Variants in CSMD2 observed in about 807,000 individuals in gnomAD.
CSMD2 encodes the protein CUB and sushi domain-containing protein 2.
Under a neutral mutation model 398.5 loss-of-function variants are expected in CSMD2, and 130 were observed. The observed-to-expected ratio is 0.33, with a 90% CI of 0.28 to 0.38. CSMD2 has a LOEUF of 0.38. Ranked by LOEUF, CSMD2 falls within the 10% of genes least tolerant of loss-of-function variation. The probability of loss-of-function intolerance (pLI) is 1.00; values close to 1 mark genes in which losing one functional copy is unlikely to be tolerated. For missense variants in CSMD2, 3,829 were observed against 4,764.9 expected (o/e 0.80, Z 5.78); for synonymous variants, 1,828 against 1,908.5 (o/e 0.96, Z 1.10).
In CSMD2 at chr1:34,165,074, C is replaced by T. The variant is rs1641755441; in HGVS notation, c.24G>A (p.Glu8=). ...CCGCGGGGCAGCCGCAGCGCCCCAG[C>T]TCCCGTCCCCGCGAGCGCGGCATGG... MPRSRGR[E]LGRCGCPAGR... is the part of the protein sequence containing the mutation. Residue 8 remains glutamate, a synonymous_variant, in exon 1 of 71, where the codon GAG becomes GAA. Coordinates refer to ENST00000373381, the MANE Select transcript of CSMD2 (RefSeq NM_001281956.2). The T allele has an allele frequency of 8.2e-6, 10 of 1,214,958 alleles. No individual in the cohort carries two copies. The highest frequency in any genetic ancestry group is 4.1e-5 in the South Asian group (1 of 24,222). The allele number at this position is 1,214,958 out of a possible 1,614,324, so 75.3% of individuals were successfully genotyped here.
chr1:33,706,799 T>C (rs574462263), intron 22 of CSMD2, among the ~76,000 whole-genome samples: 86 of 151,418 alleles, frequency 5.7e-4, no homozygotes, highest in Admixed American at 9.9e-4. Context: ...TGTGTGTGTG[T>C]GCGCGTGCAT....
rs1418889719 is a variant in CSMD2 at position 33,519,745 on chromosome 1, C to A, written c.10736+67G>T. 16 of 1,612,102 alleles carry A rather than the reference C, an allele frequency of 9.9e-6. No individual in the cohort carries two copies. Among genetic ancestry groups the A allele is most frequent in the Non-Finnish European group, 1.1e-5 (13 of 1,178,666 alleles). ...CACAGAGAGGCTTAGGGGTCTGGTG[C>A]GGGGGGCCCTGGAGGGAGAGAGGGA... On this transcript the variant is annotated intron_variant, in intron 69 of 70. Coordinates refer to ENST00000373381, the MANE Select transcript of CSMD2 (RefSeq NM_001281956.2). This position sits in a 1 kb window ranked among gnomAD's most constrained non-coding sequence, Gnocchi z 5.6.
intron 15 of CSMD2, among the ~76,000 whole-genome samples, chr1:33,728,467 T>C (rs1261774593): frequency 1.3e-5 from 2 of 152,226 alleles, no homozygotes; most frequent in Non-Finnish European, 2.9e-5. Context: ...CTCTTACTGA[T>C]GACTTACTAT....
At position 33,626,562 on chromosome 1, in the gene CSMD2, G is replaced by T. The variant is rs751405235; in HGVS notation, c.5220C>A (p.Ala1740=). ...ACTTAATGAGAACTTGATTGGAGGT[G>T]GCCAAGGGCAGTGATTCTCCTGCCG... is the stretch of plus-strand genomic sequence containing the variant. The part of the protein sequence containing the change: ...GSHTGESLPL[A]TSNQVLIKFS... Residue 1740 remains alanine (A), a synonymous_variant, in exon 33 of 71, where the codon GCC becomes GCA. Coordinates refer to ENST00000373381, the MANE Select transcript of CSMD2 (RefSeq NM_001281956.2). 1 of 1,604,100 alleles carries T rather than the reference G, an allele frequency of 6.2e-7. No homozygotes were observed. The highest frequency in any genetic ancestry group is 1.7e-5 in the Admixed American group (1 of 58,478).
chr1:33,933,493 A>G (rs1644375568), intron 4 of CSMD2, among the ~76,000 whole-genome samples: 1 of 152,236 alleles, frequency 6.6e-6, no homozygotes, highest in Admixed American at 6.5e-5. Flanking sequence ...AAGAAAAAGA[A>G]CTGCAGTTTA....
intron 1 of CSMD2, among the ~76,000 whole-genome samples, chr1:34,089,536 A>G (rs1306342798): frequency 6.6e-6 from 1 of 152,194 alleles, no homozygotes; most frequent in East Asian, 1.9e-4. Flanking sequence ...TGTCAGAACC[A>G]CAATTTCAAA....
At chr1:33,896,833 C>T (rs1642419837) in intron 5 of CSMD2, among the ~76,000 whole-genome samples, 1 of 151,866 alleles carries the variant, frequency 6.6e-6, no homozygotes, top group African/African-American at 2.4e-5. Flanking sequence ...GGGAGGGAGT[C>T]AGATGTGTGG....
intron 6 of CSMD2, among the ~76,000 whole-genome samples, chr1:33,846,132 C>T (rs1189204734): frequency 2.0e-5 from 3 of 152,248 alleles, no homozygotes; most frequent in Admixed American, 1.3e-4. Flanking sequence ...TCCCATCTAT[C>T]AGCTGGATTT....
intron 15 of CSMD2, among the ~76,000 whole-genome samples, chr1:33,727,783 T>A (rs918581117): frequency 1.3e-5 from 2 of 152,228 alleles, no homozygotes; most frequent in Non-Finnish European, 2.9e-5. Flanking sequence ...GCTCCTGATT[T>A]TTAAGCCGCT....
rs79019018 is a variant in CSMD2, at chr1:34,121,997, T to G, written c.188-32804A>C. Among the ~76,000 whole-genome samples the G allele has an allele frequency of 2.7e-5, 4 of 150,924 alleles. No individual in the cohort carries two copies. The South Asian group carries it at 6.3e-4, about 24-fold the overall frequency. On this transcript the variant is annotated intron_variant, in intron 1 of 70. Transcript: ENST00000373381. ...GCAGCTGGAAGGAATTTTTCTGGTT[T>G]TTTTTTTTTTTTCTACCTCCTGACT...
At chr1:33,713,964 G>T (rs1287095247) in intron 21 of CSMD2, among the ~76,000 whole-genome samples, 2 of 152,170 alleles carry the variant, frequency 1.3e-5, no homozygotes, top group African/African-American at 4.8e-5. Flanking sequence ...CCACCAGAAT[G>T]TGGACCACGA....
At chr1:33,998,719 A>G (rs1448465752) in intron 3 of CSMD2, among the ~76,000 whole-genome samples, 2 of 152,178 alleles carry the variant, frequency 1.3e-5, no homozygotes, top group Non-Finnish European at 2.9e-5. Context: ...CTAGTACACA[A>G]TGAAAAGGCA....
At chr1:33,517,648 C>T (rs954263648) in intron 70 of CSMD2, among the ~76,000 whole-genome samples, 2 of 152,168 alleles carry the variant, frequency 1.3e-5, no homozygotes, top group African/African-American at 4.8e-5. Flanking sequence ...CATGCTAAAA[C>T]AATCCCACTG....
chr1:33,866,510 A>G (rs1330584878), intron 5 of CSMD2, among the ~76,000 whole-genome samples: 3 of 152,352 alleles, frequency 2.0e-5, no homozygotes, highest in Non-Finnish European at 2.9e-5. Context: ...CACAGCTGCT[A>G]TTCCAACTTG....
At chr1:33,542,147 C>T (rs1214454133) in intron 58 of CSMD2, among the ~76,000 whole-genome samples, 1 of 152,170 alleles carries the variant, frequency 6.6e-6, no homozygotes, top group African/African-American at 2.4e-5. Context: ...CCTATCTCTT[C>T]CCTCCATCTG....
At chr1:33,980,003 A>G (rs971880393) in intron 3 of CSMD2, among the ~76,000 whole-genome samples, 1 of 152,078 alleles carries the variant, frequency 6.6e-6, no homozygotes, top group Non-Finnish European at 1.5e-5. Context: ...GAGATCTGAG[A>G]TTCTTGTAGG....
chr1:33,532,185 C>A (rs767715752), intron 64 of CSMD2, among the ~76,000 whole-genome samples: 4 of 152,192 alleles, frequency 2.6e-5, no homozygotes, highest in Non-Finnish European at 5.9e-5. Flanking sequence ...GGGTATAGAT[C>A]TTCAGCACTT....
rs542249718 is a variant in CSMD2 at position 33,731,306 on chromosome 1, T to C, written c.2369-4621A>G. Among the ~76,000 whole-genome samples, 25 of 152,296 alleles carry C rather than the reference T, an allele frequency of 1.6e-4. No individual in the cohort carries two copies. In the East Asian group the frequency reaches 4.6e-3, roughly 28 times the overall value. ...TCTTTAAGTGTAGCATTTCAGCTTATGAAAAAATAAATTATAGCATGTTAC... is the reference window on the plus strand; with the variant it reads ...TCTTTAAGTGTAGCATTTCAGCTTACGAAAAAATAAATTATAGCATGTTAC... On this transcript the variant is annotated intron_variant, in intron 15 of 70. Coordinates refer to ENST00000373381, the MANE Select transcript of CSMD2 (RefSeq NM_001281956.2).
At chr1:34,086,922 T>C (rs1022985664) in intron 2 of CSMD2, among the ~76,000 whole-genome samples, 1 of 152,056 alleles carries the variant, frequency 6.6e-6, no homozygotes, top group Non-Finnish European at 1.5e-5. Flanking sequence ...TCCTACCCAC[T>C]GGCTCTGCTC....
Sources: allele counts gnomAD v4.1 joint callset (sites outside exome capture counted in the v4.1 genomes callset), GRCh38; gene constraint gnomAD v4.1.1; non-coding constraint Gnocchi (gnomAD v3.1); transcripts MANE v1.5; gene names NCBI Gene and HGNC (gene_info 2026-07-23, HGNC 2026-07-21).